The following LRRIQ3 variants were observed in gnomAD, a reference collection of about 807,000 sequenced individuals.
LRRIQ3 encodes leucine-rich repeat and IQ domain-containing protein 3.
In LRRIQ3, 75 loss-of-function variants were observed where a neutral mutation model predicts 59.3. The observed-to-expected ratio is 1.26, with a 90% confidence interval of 1.05 to 1.53. The LOEUF (loss-of-function observed/expected upper bound fraction) is 1.53. Among genes scored for constraint, LRRIQ3 ranks in the 40% most tolerant of loss-of-function variants. The pLI is 0.00. For synonymous variants in LRRIQ3, 250 were observed against 231.3 expected (o/e 1.08, Z -0.73); for missense variants, 831 against 710.0 (o/e 1.17, Z -1.94).
At chr1:74,114,135 C>G (rs967425221) in intron 4 of LRRIQ3, among the ~76,000 whole-genome samples, 4 of 151,736 alleles carry the variant, frequency 2.6e-5, no homozygotes, top group Non-Finnish European at 4.4e-5. Context: ...AATAGTGAAA[C>G]TACCTCAAAT....
intron 6 of LRRIQ3, among the ~76,000 whole-genome samples, chr1:74,061,239 C>G (rs187844498): frequency 1.1e-3 from 163 of 152,214 alleles, no homozygotes; most frequent in African/African-American, 3.8e-3. Context: ...GGTGAAAGAT[C>G]TCTCTCATGA....
At chr1:74,040,058 C>A (rs1370539112) in intron 7 of LRRIQ3, among the ~76,000 whole-genome samples, 1 of 151,998 alleles carries the variant, frequency 6.6e-6, no homozygotes, top group African/African-American at 2.4e-5. Context: ...CGTGCAGACA[C>A]ACATAGGCTC....
At chr1:74,154,240 C>CAAAAAAAAAAAAAAAAAAAAAAAAAA (rs71078186) in intron 4 of LRRIQ3, among the ~76,000 whole-genome samples, 4 of 57,278 alleles carry the variant, frequency 7.0e-5, no homozygotes, top group Non-Finnish European at 1.2e-4. Context: ...GACTCCTTCT[C>CAAAAAAAAAAAAAAAAAAAAAAAAAA]AAAAAAAAAA....
intron 5 of LRRIQ3, among the ~76,000 whole-genome samples, chr1:74,092,507 T>C (rs1033263432): frequency 6.6e-6 from 1 of 152,046 alleles, no homozygotes; most frequent in Non-Finnish European, 1.5e-5. Flanking sequence ...CTTGTTATTA[T>C]GGCTTCAAAA....
At chr1:74,055,568 A>T (rs530344257) in intron 6 of LRRIQ3, among the ~76,000 whole-genome samples, 20 of 152,200 alleles carry the variant, frequency 1.3e-4, no homozygotes, top group African/African-American at 3.9e-4. Flanking sequence ...ATACATATTC[A>T]TTATATGCCC....
At chr1:74,075,568 G>GAAA (rs745376071) in intron 5 of LRRIQ3, among the ~76,000 whole-genome samples, 6 of 134,524 alleles carry the variant, frequency 4.5e-5, no homozygotes, top group African/African-American at 1.6e-4. Context: ...CTCCGTCTCA[G>GAAA]AAAAAAAAAA....
chr1:74,183,631 G>A lies in LRRIQ3; in HGVS notation c.54C>T (p.His18=), dbSNP rs771539119. 1.9e-6 allele frequency: 3 copies of A among 1,611,130 alleles called. No homozygotes were observed. The highest frequency in any genetic ancestry group is 2.2e-5 in the East Asian group (1 of 44,672). The stretch of plus-strand genomic sequence containing the variant: ...GACCTTCTCTTATGTTTTCATTATA[G>A]TGACTCCATTCTTCATGACTGGTTA... ...EELTSHEEWS[H]YNENIREGQK... The change falls in exon 2 of 8, where the codon CAC becomes CAT. Residue 18 remains histidine (H), a synonymous_variant. Coordinates refer to ENST00000354431, the MANE Select transcript of LRRIQ3 (RefSeq NM_001105659.2).
At chr1:74,087,381 C>CTTTT (rs57068994) in intron 5 of LRRIQ3, among the ~76,000 whole-genome samples, 1 of 59,004 alleles carries the variant, frequency 1.7e-5, no homozygotes, top group Non-Finnish European at 2.9e-5. Flanking sequence ...AAAATTTTAT[C>CTTTT]TTTTTTTTTT....
chr1:74,173,436 T>C (rs1214874848), intron 3 of LRRIQ3, among the ~76,000 whole-genome samples: 2 of 152,148 alleles, frequency 1.3e-5, no homozygotes, highest in Admixed American at 6.5e-5. Flanking sequence ...CTTGTTCTTC[T>C]TCTCTTGTAG....
chr1:74,066,652 A>C (rs1654875004), intron 6 of LRRIQ3, among the ~76,000 whole-genome samples: 1 of 152,160 alleles, frequency 6.6e-6, no homozygotes. Flanking sequence ...CTTAATTTTC[A>C]TAGCCTACTT....
At chr1:74,110,677 C>A (rs925046568) in intron 4 of LRRIQ3, among the ~76,000 whole-genome samples, 1 of 152,002 alleles carries the variant, frequency 6.6e-6, no homozygotes, top group African/African-American at 2.4e-5. Flanking sequence ...CTAGGAATAA[C>A]TGAGGAAAGC....
At chr1:74,126,480 G>C (rs1468576682) in intron 4 of LRRIQ3, among the ~76,000 whole-genome samples, 4 of 151,598 alleles carry the variant, frequency 2.6e-5, no homozygotes, top group African/African-American at 9.7e-5. Flanking sequence ...TCTGATATTG[G>C]TGCTTATAGC....
intron 7 of LRRIQ3, among the ~76,000 whole-genome samples, chr1:74,035,065 G>A (rs945130960): frequency 6.6e-6 from 1 of 152,000 alleles, no homozygotes; most frequent in African/African-American, 2.4e-5. Flanking sequence ...ACACCCTTCA[G>A]AACTATCTGT....
intron 6 of LRRIQ3, among the ~76,000 whole-genome samples, chr1:74,072,449 C>T (rs1189555849): frequency 1.3e-5 from 2 of 151,688 alleles, no homozygotes; most frequent in Non-Finnish European, 2.9e-5. Context: ...TTTGGTGATC[C>T]CATGAACCTC....
intron 7 of LRRIQ3, among the ~76,000 whole-genome samples, chr1:74,038,265 G>A (rs1653933891): frequency 1.3e-5 from 2 of 152,088 alleles, no homozygotes; most frequent in Admixed American, 1.3e-4. Context: ...CTCCCTGCAG[G>A]AACTCCAACA....
intron 1 of LRRIQ3, among the ~76,000 whole-genome samples, chr1:74,191,126 T>C (rs1310653209): frequency 6.6e-6 from 1 of 152,156 alleles, no homozygotes; most frequent in Non-Finnish European, 1.5e-5. Flanking sequence ...CAAAATTAAT[T>C]GAATGCCTAG....
intron 6 of LRRIQ3, among the ~76,000 whole-genome samples, chr1:74,072,756 A>G (rs1383739164): frequency 6.6e-6 from 1 of 152,088 alleles, no homozygotes; most frequent in African/African-American, 2.4e-5. Flanking sequence ...AATTTAATCC[A>G]CAGTCATTCA....
intron 4 of LRRIQ3, among the ~76,000 whole-genome samples, chr1:74,132,440 C>T (rs932856198): frequency 2.0e-5 from 3 of 152,112 alleles, no homozygotes; most frequent in East Asian, 1.9e-4. Flanking sequence ...AAGCTGGAGG[C>T]GTCGTGCTAC....
intron 5 of LRRIQ3, among the ~76,000 whole-genome samples, chr1:74,105,757 A>T (rs1646603437): frequency 6.6e-6 from 1 of 152,140 alleles, no homozygotes. Flanking sequence ...ACAAAATGGC[A>T]CTCAACATAG....
Sources: gnomAD v4.1 joint callset for allele counts (sites outside exome capture counted in the v4.1 genomes callset) on GRCh38, gnomAD v4.1.1 for gene constraint, MANE v1.5 for transcripts, NCBI Gene and HGNC (gene_info 2026-07-23, HGNC 2026-07-21) for gene names.